The following TFDP1 variants were observed in gnomAD, a reference collection of about 807,000 sequenced individuals.
TFDP1 encodes the protein transcription factor Dp-1.
Under a neutral mutation model 48.0 loss-of-function variants are expected in TFDP1, and 6 were observed. The ratio of observed to expected loss-of-function variants is 0.13; its 90% confidence interval spans 0.07 to 0.25. The LOEUF is 0.25. Ranked by LOEUF, TFDP1 falls within the 10% of genes least tolerant of loss-of-function variation. TFDP1 has a pLI of 1.00. For synonymous variants in TFDP1, 201 were observed against 211.6 expected, an observed-to-expected ratio of 0.95 and a Z score of 0.44; for missense variants, 335 against 543.0, an observed-to-expected ratio of 0.62 and a Z score of 3.81.
In TFDP1 at chr13:113,623,298, G is replaced by A. The variant is rs372474062; in HGVS notation, c.186+12G>A. The A allele has an allele frequency of 5.7e-5, 92 of 1,600,530 alleles. No homozygotes were observed. The highest frequency in any genetic ancestry group is 2.6e-5 in the Non-Finnish European group (30 of 1,173,428). On this transcript the variant is annotated intron_variant, in intron 4 of 11. Transcript: ENST00000375370. The surrounding 1 kb of genome is among the most constrained non-coding windows in gnomAD (Gnocchi z 5.2). ...TTGCCCAGCAAGTGGTAAGCCTCCCGCAGGAGCGGACAGCCGGGATCTCGG... is the reference window on the plus strand; with the variant it reads ...TTGCCCAGCAAGTGGTAAGCCTCCCACAGGAGCGGACAGCCGGGATCTCGG...
chr13:113,617,424 ATGCAGAGCCGCTCACC>A (rs1230655221), intron 3 of TFDP1, among the ~76,000 whole-genome samples: 22 of 140,106 alleles, frequency 1.6e-4, no homozygotes, highest in Admixed American at 9.5e-4. Context: ...AGGCACTCAC[ATGCAGAGCCGCTCACC>A]TGCAGAGCCG....
In TFDP1 at chr13:113,632,597, G is replaced by A. The variant is rs113391416; in HGVS notation, c.309-523G>A. On this transcript the variant is annotated intron_variant, in intron 5 of 11. Transcript: ENST00000375370. ...TTGAGACCATCCTGGCCAACGTGGT[G>A]CAACCCCGTCTCTATTAAAAATACA... Among the ~76,000 whole-genome samples the A allele has an allele frequency of 8.1e-3, 1,233 of 152,248 alleles. 16 individuals are homozygous for A. The highest frequency in any genetic ancestry group is 0.029 in the African/African-American group (1,191 of 41,542).
intron 2 of TFDP1, among the ~76,000 whole-genome samples, chr13:113,587,194 T>G (rs2048026546): frequency 1.3e-5 from 2 of 150,506 alleles, no homozygotes; most frequent in Admixed American, 6.6e-5. Flanking sequence ...AGGCTGGGGG[T>G]GGGGGGCGTG....
At chr13:113,611,145 C>A (rs2048699248) in intron 3 of TFDP1, 83 bp downstream of exon 3, 15 of 1,352,760 alleles carry the variant, frequency 1.1e-5, no homozygotes, top group Non-Finnish European at 1.6e-5. Flanking sequence ...GACGCTGAAG[C>A]CTCTTGCTAA....
intron 8 of TFDP1, among the ~76,000 whole-genome samples, chr13:113,634,838 TGTGCATGTGCCTGTGTGCGTGC>T: frequency 6.6e-6 from 1 of 151,974 alleles, no homozygotes; most frequent in East Asian, 1.9e-4. Context: ...TGTGTGTGTG[TGTGCATGTGCCTGTGTGCGTGC>T]GTGCGTGTGC....
chr13:113,619,668 C>T (rs2048950799), intron 3 of TFDP1, among the ~76,000 whole-genome samples: 1 of 152,078 alleles, frequency 6.6e-6, no homozygotes, highest in Non-Finnish European at 1.5e-5. Context: ...TTCTGAAGTG[C>T]TGCTCGGGGC....
At position 113,607,081 on chromosome 13, in the gene TFDP1, C is replaced by T. The variant is rs566062803; in HGVS notation, c.13-3915C>T. 1.3e-5 allele frequency among the ~76,000 whole-genome samples: 2 copies of T among 152,254 alleles called. No individual in the cohort carries two copies. Among genetic ancestry groups the T allele is most frequent in the African/African-American group, 4.8e-5 (2 of 41,474 alleles). On this transcript the variant is annotated intron_variant, in intron 2 of 11. Transcript: ENST00000375370. The surrounding 1 kb of genome is among the most constrained non-coding windows in gnomAD (Gnocchi z 5.2). ...TAGCTGAGGGTGGCTTTGCAGTGTC[C>T]GGAGATGATTCTGGTTGTCCCACCC... is the stretch of plus-strand genomic sequence containing the variant.
At chr13:113,608,462 G>A (rs1241782268) in intron 2 of TFDP1, among the ~76,000 whole-genome samples, 1 of 152,154 alleles carries the variant, frequency 6.6e-6, no homozygotes, top group Non-Finnish European at 1.5e-5. Flanking sequence ...CCACAGCTGG[G>A]ACTTGCTCCG....
intron 2 of TFDP1, among the ~76,000 whole-genome samples, chr13:113,595,893 T>C (rs555603605): frequency 1.2e-4 from 19 of 152,290 alleles, no homozygotes; most frequent in Admixed American, 2.6e-4. Context: ...CCATCCTGGC[T>C]AACATGGTGA....
At chr13:113,591,762 C>T (rs116278744) in intron 2 of TFDP1, among the ~76,000 whole-genome samples, 258 of 152,306 alleles carry the variant, frequency 1.7e-3, no homozygotes, top group African/African-American at 6.0e-3. Flanking sequence ...CTGGTAGCAG[C>T]AGGTGGCTTA....
At chr13:113,611,694 C>T (rs556038792) in intron 3 of TFDP1, among the ~76,000 whole-genome samples, 1 of 152,222 alleles carries the variant, frequency 6.6e-6, no homozygotes. Flanking sequence ...TGGGTAAACT[C>T]CTTACCTGTG....
chr13:113,632,744 C>G (rs60319781), intron 5 of TFDP1, among the ~76,000 whole-genome samples: 1,990 of 152,356 alleles, frequency 0.013, 42 homozygotes, highest in African/African-American at 0.045. Context: ...CGCCACCGCA[C>G]TCCAGCCCAC....
chr13:113,612,903 G>A (rs1233389229), intron 3 of TFDP1, among the ~76,000 whole-genome samples: 1 of 152,196 alleles, frequency 6.6e-6, no homozygotes, highest in Non-Finnish European at 1.5e-5. Context: ...CCGGCCCCCA[G>A]ATCCCTCCCA....
rs1433354039 is a variant in TFDP1, at chr13:113,591,825, T to A, written c.12+5976T>A. Among the ~76,000 whole-genome samples the A allele has an allele frequency of 3.3e-5, 5 of 152,338 alleles. No homozygotes were observed. The East Asian group carries it at 9.7e-4, about 29-fold the overall frequency. On this transcript the variant is annotated intron_variant, in intron 2 of 11. Transcript: ENST00000375370. Reference sequence around the variant, plus strand: ...GGGAAGGGCAGATGTCAGCGTTGGCTGAATTAGAGGCTGAATTAGGTGACC... The same window carrying A: ...GGGAAGGGCAGATGTCAGCGTTGGCAGAATTAGAGGCTGAATTAGGTGACC...
chr13:113,613,860 G>C (rs1371717337), intron 3 of TFDP1, among the ~76,000 whole-genome samples: 2 of 151,572 alleles, frequency 1.3e-5, no homozygotes, highest in Non-Finnish European at 2.9e-5. Context: ...TGTGTGTTGA[G>C]TGTGCATGAG....
chr13:113,627,765 T>A lies in TFDP1; in HGVS notation c.187-3858T>A, dbSNP rs1012848234. On this transcript the variant is annotated intron_variant, in intron 4 of 11. Coordinates refer to ENST00000375370, the MANE Select transcript of TFDP1 (RefSeq NM_007111.5). The surrounding 1 kb of genome is among the most constrained non-coding windows in gnomAD (Gnocchi z 4.1). The stretch of plus-strand genomic sequence containing the variant: ...GGCACATGCAGGATCTAGGTGGCAC[T>A]CCGTATGAGAATCGAATGCCTGATG... 5.3e-5 allele frequency among the ~76,000 whole-genome samples: 8 copies of A among 150,962 alleles called. No individual in the cohort carries two copies. Among genetic ancestry groups the A allele is most frequent in the African/African-American group, 1.7e-4 (7 of 40,340 alleles).
At chr13:113,640,039 C>T in intron 11 of TFDP1, 81 bp from the exon 12 acceptor site, 1 of 1,053,094 alleles carries the variant, frequency 9.5e-7, no homozygotes, top group South Asian at 1.5e-5. Context: ...CACAGCCTGT[C>T]ATTTGACCAC....
At chr13:113,608,333 C>T (rs967489505) in intron 2 of TFDP1, among the ~76,000 whole-genome samples, 1 of 152,234 alleles carries the variant, frequency 6.6e-6, no homozygotes. Context: ...ACAGGGACAG[C>T]GGTGCAAAAT....
At chr13:113,613,247 A>C (rs953579108) in intron 3 of TFDP1, among the ~76,000 whole-genome samples, 19 of 152,208 alleles carry the variant, frequency 1.2e-4, no homozygotes, top group South Asian at 4.1e-4. Flanking sequence ...AACTCCTGAC[A>C]TCATGATCCG....
Sources: allele counts gnomAD v4.1 joint callset (sites outside exome capture counted in the v4.1 genomes callset), GRCh38; gene constraint gnomAD v4.1.1; non-coding constraint Gnocchi (gnomAD v3.1); transcripts MANE v1.5; gene names NCBI Gene and HGNC (gene_info 2026-07-23, HGNC 2026-07-21).